MROH7: variants seen among roughly 807,000 people sequenced by gnomAD.
MROH7 encodes maestro heat-like repeat-containing protein family member 7.
Under a neutral mutation model 129.2 loss-of-function variants are expected in MROH7, and 113 were observed. The ratio of observed to expected loss-of-function variants is 0.87; its 90% CI spans 0.75 to 1.02. The LOEUF (loss-of-function observed/expected upper bound fraction) is 1.02. Ranked by LOEUF, MROH7 falls within the 50% of genes least tolerant of loss-of-function variation. The probability of loss-of-function intolerance (pLI) is 0.00; values close to 1 mark genes in which losing one functional copy is unlikely to be tolerated. For synonymous variants in MROH7, 655 were observed against 667.9 expected (o/e 0.98, Z 0.30); for missense variants, 1,601 against 1,671.3 (o/e 0.96, Z 0.73).
chr1:54,689,366 A>G (rs1179091379), intron 15 of MROH7, among the ~76,000 whole-genome samples: 1 of 152,190 alleles, frequency 6.6e-6, no homozygotes, highest in Non-Finnish European at 1.5e-5. Flanking sequence ...CTGACACCTT[A>G]ATTTTGGATA....
intron 21 of MROH7, among the ~76,000 whole-genome samples, chr1:54,704,410 T>A (rs1645493049): frequency 6.7e-6 from 1 of 149,934 alleles, no homozygotes; most frequent in Non-Finnish European, 1.5e-5. Flanking sequence ...TCTGGTTTCA[T>A]GAGAAAAGCT....
At chr1:54,674,553 G>T (rs890532244) in intron 10 of MROH7, among the ~76,000 whole-genome samples, 1 of 152,062 alleles carries the variant, frequency 6.6e-6, no homozygotes, top group Non-Finnish European at 1.5e-5. Context: ...TATTCCCAAG[G>T]GCCATCTCTG....
chr1:54,678,438 G>A (rs188369623), intron 10 of MROH7, among the ~76,000 whole-genome samples: 1 of 151,668 alleles, frequency 6.6e-6, no homozygotes, highest in African/African-American at 2.4e-5. Flanking sequence ...GAAGAAGACA[G>A]ACATCAAGGA....
Position 54,670,910 on chromosome 1 carries a change from C to G in MROH7, c.1580C>G (p.Ala527Gly), listed in dbSNP as rs772581552. The part of the protein sequence containing the change: ...SVQAMQEKDE[A>G]KAETIQALYH... ...CAGGCGATGCAGGAGAAGGACGAGG[C>G]CAAGGCTGAGACCATCCAGGTGAGG... Residue 527 changes from alanine to glycine, a missense_variant, in exon 7 of 24, where the codon GCC (alanine) becomes GGC (glycine). Physicochemically the swap from Ala to Gly is moderately conservative, Grantham distance 60. Coordinates refer to ENST00000421030, the MANE Select transcript of MROH7 (RefSeq NM_001039464.4). 6.2e-7 allele frequency: 1 copy of G among 1,607,082 alleles called. No homozygotes were observed. The highest frequency in any genetic ancestry group is 1.1e-5 in the South Asian group (1 of 89,644).
intron 1 of MROH7, among the ~76,000 whole-genome samples, chr1:54,643,565 C>G (rs1178338343): frequency 6.6e-6 from 1 of 152,100 alleles, no homozygotes; most frequent in Non-Finnish European, 1.5e-5. Flanking sequence ...ATGCAAAAGT[C>G]GCTTAGGAGA....
chr1:54,646,630 A>G (rs1366285016), intron 1 of MROH7, among the ~76,000 whole-genome samples: 1 of 152,168 alleles, frequency 6.6e-6, no homozygotes, highest in African/African-American at 2.4e-5. Context: ...AACCTTGTCT[A>G]TCACATCCAT....
intron 15 of MROH7, among the ~76,000 whole-genome samples, chr1:54,689,815 G>A (rs184579881): frequency 4.4e-4 from 67 of 152,280 alleles, no homozygotes; most frequent in African/African-American, 1.5e-3. Flanking sequence ...TTTGAGACCA[G>A]CCTAGGCAAC....
At chr1:54,676,792 T>C (rs907442329) in intron 10 of MROH7, among the ~76,000 whole-genome samples, 3 of 151,514 alleles carry the variant, frequency 2.0e-5, no homozygotes, top group Admixed American at 1.3e-4. Context: ...CACTGCAAAC[T>C]CCACCTCCCG....
rs1445054795 is a variant in MROH7 at position 54,709,010 on chromosome 1, C to T, written c.3668-4C>T. 1.2e-6 allele frequency: 2 copies of T among 1,614,168 alleles called. No individual in the cohort carries two copies. The highest frequency in any genetic ancestry group is 2.2e-5 in the East Asian group (1 of 44,882). ...ATGCCCTCACTTCTTGGATTACGCTCAAGGGTCCCTGGTCCCCTGCATGGA... is the reference window on the plus strand; with the variant it reads ...ATGCCCTCACTTCTTGGATTACGCTTAAGGGTCCCTGGTCCCCTGCATGGA... On this transcript the variant is annotated splice_region_variant and splice_polypyrimidine_tract_variant and intron_variant, in intron 22 of 23. Coordinates refer to ENST00000421030, the MANE Select transcript of MROH7 (RefSeq NM_001039464.4).
chr1:54,698,722 G>A (rs1169879043), intron 17 of MROH7: 1 of 152,222 alleles, frequency 6.6e-6, no homozygotes, highest in Non-Finnish European at 1.5e-5. Context: ...ACGATGGGGG[G>A]CTGGTAGTGC....
Position 54,701,278 on chromosome 1 carries a change from G to T in MROH7, c.3241G>T (p.Val1081Phe), listed in dbSNP as rs1248912022. The stretch of plus-strand genomic sequence containing the variant: ...GGACCAGAAGCTGATGGACAGTGCG[G>T]TCTATGTGGAGATGCTGCAGATCCT... ...GRDQKLMDSAVYVEMLQILLP... is the reference protein window; with the variant it reads ...GRDQKLMDSAFYVEMLQILLP... Residue 1081 changes from valine (V) to phenylalanine (F), a missense_variant, in exon 19 of 24, where the codon GTC (valine) becomes TTC (phenylalanine). Transcript: ENST00000421030. The T allele has an allele frequency of 1.2e-6, 2 of 1,610,734 alleles. No homozygotes were observed. The highest frequency in any genetic ancestry group is 2.2e-5 in the South Asian group (2 of 90,780).
chr1:54,669,534 C>A (rs1311557187), intron 5 of MROH7, among the ~76,000 whole-genome samples: 1 of 152,180 alleles, frequency 6.6e-6, no homozygotes, highest in Admixed American at 6.5e-5. Context: ...GAAGGACATA[C>A]TTTATTCTGA....
rs1645596861 is a variant in MROH7 at position 54,709,955 on chromosome 1, A to G, written c.3740A>G (p.Asn1247Ser). 6.2e-7 allele frequency: 1 copy of G among 1,611,798 alleles called. No individual in the cohort carries two copies. Among genetic ancestry groups the G allele is most frequent in the African/African-American group, 1.3e-5 (1 of 74,840 alleles). Reference sequence around the variant, plus strand: ...CTTCCCCATGACGCAGCTCTGGATAACTTGAGACATGACCCAGAAGCATCA... The same window carrying G: ...CTTCCCCATGACGCAGCTCTGGATAGCTTGAGACATGACCCAGAAGCATCA... ...RLNEVKAALDNLRHDPEASVC... is the reference protein window; with the variant it reads ...RLNEVKAALDSLRHDPEASVC... The change falls in exon 24 of 24, where the codon AAC (asparagine) becomes AGC (serine). Residue 1247 changes from asparagine (N) to serine (S), a missense_variant. Asn to Ser is a conservative substitution (Grantham distance 46, BLOSUM62 1). Coordinates refer to ENST00000421030, the MANE Select transcript of MROH7 (RefSeq NM_001039464.4).
chr1:54,705,307 T>G (rs963580104), intron 21 of MROH7, among the ~76,000 whole-genome samples: 2 of 152,214 alleles, frequency 1.3e-5, no homozygotes, highest in Non-Finnish European at 2.9e-5. Context: ...CATTTGTTCA[T>G]TCATTCATCT....
rs749616801 is a variant in MROH7 at position 54,653,481 on chromosome 1, A to G, written c.555A>G (p.Glu185=). 1 of 1,614,200 alleles carries G rather than the reference A, an allele frequency of 6.2e-7. No individual in the cohort carries two copies. The highest frequency in any genetic ancestry group is 8.5e-7 in the Non-Finnish European group (1 of 1,180,032). The part of the protein sequence containing the change: ...LNPFIRHHSR[E]GLVLGHCISR... ...CATTTATAAGGCACCATTCCAGAGA[A>G]GGTCTGGTTCTGGGCCACTGCATCT... Residue 185 remains glutamate (E), a synonymous_variant, in exon 3 of 24, where the codon GAA becomes GAG. Coordinates refer to ENST00000421030, the MANE Select transcript of MROH7 (RefSeq NM_001039464.4).
chr1:54,700,238 A>G (rs1320360902), intron 17 of MROH7, 83 bp from the exon 18 acceptor site: 4 of 1,565,028 alleles, frequency 2.6e-6, no homozygotes, highest in South Asian at 2.3e-5. Flanking sequence ...CCTGGTATCC[A>G]ATGTGCAATC....
chr1:54,695,651 C>T (rs1401653511), intron 17 of MROH7, 161 bp downstream of exon 17: 2 of 686,606 alleles, frequency 2.9e-6, no homozygotes, highest in East Asian at 2.7e-5. Context: ...TCCCTCCCTC[C>T]CCTCCCTGTC....
chr1:54,686,416 G>T lies in MROH7; in HGVS notation c.2679G>T (p.Lys893Asn), dbSNP rs373903273. The stretch of plus-strand genomic sequence containing the variant: ...TGGCTCCTCCCAAGGACACCAAGAA[G>T]GGTGCACAGCCCTCTCCCTTCGTAC... ...GCVAPPKDTK[K>N]GAQPSPFVPV... Residue 893 changes from lysine to asparagine, a missense_variant, in exon 15 of 24, where the codon AAG (lysine) becomes AAT (asparagine). Lys to Asn is a moderately conservative substitution (Grantham distance 94, BLOSUM62 0). Transcript: ENST00000421030. The T allele has an allele frequency of 6.2e-7, 1 of 1,614,022 alleles. No homozygotes were observed. The highest frequency in any genetic ancestry group is 1.3e-5 in the African/African-American group (1 of 74,930).
intron 7 of MROH7, among the ~76,000 whole-genome samples, chr1:54,671,298 G>A (rs997343557): frequency 9.2e-5 from 14 of 152,210 alleles, no homozygotes; most frequent in African/African-American, 2.4e-4. Flanking sequence ...AACTCAGGAG[G>A]CTGAGGCATG....
Sources: allele counts gnomAD v4.1 joint callset (sites outside exome capture counted in the v4.1 genomes callset), GRCh38; gene constraint gnomAD v4.1.1; transcripts MANE v1.5; gene names NCBI Gene and HGNC (gene_info 2026-07-23, HGNC 2026-07-21).